CACNA1C: variants seen among roughly 807,000 people sequenced by gnomAD.
CACNA1C encodes calcium voltage-gated channel subunit alpha1 C, also known as voltage-dependent L-type calcium channel subunit alpha-1C.
CACNA1C carries 30 observed loss-of-function variants against 229.0 expected under a neutral mutation model. The ratio of observed to expected loss-of-function variants is 0.13; its 90% CI spans 0.10 to 0.18. The LOEUF (loss-of-function observed/expected upper bound fraction) is 0.18, where lower values mean the gene tolerates loss of function less well. CACNA1C is among the 10% of genes least tolerant of loss of function. CACNA1C has a pLI of 1.00. For synonymous variants in CACNA1C, 1,114 were observed against 1,132.5 expected, an observed-to-expected ratio of 0.98 and a Z score of 0.33; for missense variants, 1,658 against 2,845.0, an observed-to-expected ratio of 0.58 and a Z score of 9.49.
chr12:2,421,915 A>C (rs548232279), intron 3 of CACNA1C, among the ~76,000 whole-genome samples: 65 of 151,052 alleles, frequency 4.3e-4, no homozygotes, highest in African/African-American at 1.1e-3. Context: ...GTCTCAACAA[A>C]AAAAAAAAAG....
chr12:2,223,942 T>A (rs1179245398), intron 3 of CACNA1C, among the ~76,000 whole-genome samples: 1 of 152,202 alleles, frequency 6.6e-6, no homozygotes, highest in Admixed American at 6.5e-5. Flanking sequence ...CCAATCAGAT[T>A]ATGATGCATC....
Position 2,486,334 on chromosome 12 carries a change from C to A in CACNA1C, c.916+72C>A. On this transcript the variant is annotated intron_variant, in intron 6 of 46. Coordinates refer to ENST00000399655, the MANE Select transcript of CACNA1C (RefSeq NM_000719.7). This position sits in a 1 kb window ranked among gnomAD's most constrained non-coding sequence, Gnocchi z 4.9. ...CTCCCAGCACCTTTCCCGCTGCTGG[C>A]TACACCAACATGACCAGCAGAGCCC... is the stretch of plus-strand genomic sequence containing the variant. The A allele has an allele frequency of 7.6e-7, 1 of 1,320,606 alleles. No individual in the cohort carries two copies. Among genetic ancestry groups the A allele is most frequent in the Non-Finnish European group, 1.1e-6 (1 of 946,030 alleles). The allele number at this position is 1,320,606 out of a possible 1,614,324, so 81.8% of individuals were successfully genotyped here.
intron 3 of CACNA1C, among the ~76,000 whole-genome samples, chr12:2,378,016 G>T (rs1182011695): frequency 6.6e-6 from 1 of 152,110 alleles, no homozygotes; most frequent in African/African-American, 2.4e-5. Context: ...CCTAGAAGAG[G>T]GTTGGGGTGA....
rs1392879732 is a variant in CACNA1C, at chr12:2,316,825, A to C, written c.478-132151A>C. Among the ~76,000 whole-genome samples, 11 of 152,330 alleles carry C rather than the reference A, an allele frequency of 7.2e-5. No homozygotes were observed. In the East Asian group the frequency reaches 2.1e-3, roughly 29 times the overall value. On this transcript the variant is annotated intron_variant, in intron 3 of 46. Transcript: ENST00000399655. ...TGATTTGCAGTGGAGACCCATGTGC[A>C]CAGGCACAAAAAGATGGCCAGGGAC...
At chr12:2,491,251 C>T (rs1027358133) in intron 6 of CACNA1C, among the ~76,000 whole-genome samples, 6 of 151,958 alleles carry the variant, frequency 3.9e-5, no homozygotes, top group African/African-American at 4.8e-5. Flanking sequence ...TGCAAGCAGG[C>T]GAGGGGGGTT....
intron 34 of CACNA1C, 38 bp from the exon 35 acceptor site, chr12:2,664,787 G>C: frequency 6.6e-7 from 1 of 1,520,698 alleles, no homozygotes; most frequent in Non-Finnish European, 8.9e-7. Flanking sequence ...GGCATCTGTA[G>C]GATGGGCTGC....
At chr12:2,222,539 T>C (rs1217735358) in intron 3 of CACNA1C, 1 of 152,162 alleles carries the variant, frequency 6.6e-6, no homozygotes, top group Non-Finnish European at 1.5e-5. Context: ...AACCACAATG[T>C]AAATATTAAT....
chr12:2,621,064 A>G (rs2082966099), intron 29 of CACNA1C, among the ~76,000 whole-genome samples: 2 of 152,172 alleles, frequency 1.3e-5, no homozygotes, highest in Admixed American at 1.3e-4. Context: ...CTGAATTAAA[A>G]TGCACCCCTC....
At chr12:2,280,809 G>A (rs2090956977) in intron 3 of CACNA1C, among the ~76,000 whole-genome samples, 1 of 151,880 alleles carries the variant, frequency 6.6e-6, no homozygotes, top group African/African-American at 2.4e-5. Context: ...TTTTCTGTTA[G>A]TCCCATGTAG....
chr12:2,240,649 A>T (rs1364783809), intron 3 of CACNA1C, among the ~76,000 whole-genome samples: 3 of 152,176 alleles, frequency 2.0e-5, no homozygotes, highest in Admixed American at 6.5e-5. Flanking sequence ...AGTGCCTGAT[A>T]TTGGTGACCT....
chr12:2,584,890 G>C (rs756604722), intron 16 of CACNA1C, among the ~76,000 whole-genome samples: 1 of 152,238 alleles, frequency 6.6e-6, no homozygotes, highest in Non-Finnish European at 1.5e-5. Context: ...GGTGGCAGGA[G>C]TGTAGGGTGG....
chr12:2,098,554 A>T (rs1426208027), intron 1 of CACNA1C, among the ~76,000 whole-genome samples: 1 of 152,214 alleles, frequency 6.6e-6, no homozygotes. Context: ...AGAGCCTTTT[A>T]CTAATAGAGG....
In CACNA1C at chr12:2,602,630, TTGTGTGTGTGTG is replaced by T. The variant is rs3062140; in HGVS notation, c.2960+699_2960+710del. Among the ~76,000 whole-genome samples the T allele has an allele frequency of 1.3e-3, 185 of 140,900 alleles. No homozygotes were observed. Among genetic ancestry groups the T allele is most frequent in the Non-Finnish European group, 1.7e-3 (110 of 65,280 alleles). 92.4% of individuals were successfully genotyped at this position (140,900 alleles called of 152,430 possible). A position where few individuals can be genotyped will look rare whatever the true frequency, so the allele number is the denominator to read the frequency against. On this transcript the variant is annotated intron_variant, in intron 22 of 46. Coordinates refer to ENST00000399655, the MANE Select transcript of CACNA1C (RefSeq NM_000719.7). The surrounding 1 kb of genome is among the most constrained non-coding windows in gnomAD (Gnocchi z 4.4). ...GTGTGTGACTGTGTATATTTGTGTCTTGTGTGTGTGTGTGTGTGTGTGTGTGTGTGTGTGTGT... is the reference window on the plus strand; with the variant it reads ...GTGTGTGACTGTGTATATTTGTGTCTTGTGTGTGTGTGTGTGTGTGTGTGT...
At chr12:2,507,724 A>G (rs1294725624) in intron 8 of CACNA1C, among the ~76,000 whole-genome samples, 3 of 152,202 alleles carry the variant, frequency 2.0e-5, no homozygotes, top group African/African-American at 7.2e-5. Context: ...TCCTGTGTCC[A>G]TTCTACAGAG....
At chr12:2,161,269 G>A (rs974466953) in intron 3 of CACNA1C, among the ~76,000 whole-genome samples, 7 of 151,964 alleles carry the variant, frequency 4.6e-5, no homozygotes, top group Admixed American at 3.3e-4. Context: ...GGTGGGATGG[G>A]AAGGGGGTCT....
In CACNA1C at chr12:2,633,493, G is replaced by C. The variant is rs1046182812; in HGVS notation, c.3829-804G>C. On this transcript the variant is annotated intron_variant, in intron 29 of 46. Coordinates refer to ENST00000399655, the MANE Select transcript of CACNA1C (RefSeq NM_000719.7). This position sits in a 1 kb window ranked among gnomAD's most constrained non-coding sequence, Gnocchi z 5.8. Reference sequence around the variant, plus strand: ...CCTTGCTGGTGCTCCTGGGCTCCTGGCCATGGTGAGGGCGTCCGGAACTCC... The same window carrying C: ...CCTTGCTGGTGCTCCTGGGCTCCTGCCCATGGTGAGGGCGTCCGGAACTCC... 4 of 681,248 alleles carry C rather than the reference G, an allele frequency of 5.9e-6. No homozygotes were observed. Among genetic ancestry groups the C allele is most frequent in the African/African-American group, 3.6e-5 (2 of 55,040 alleles). The allele number at this position is 681,248 out of a possible 1,614,324, so 42.2% of individuals were successfully genotyped here. A position where few individuals can be genotyped will look rare whatever the true frequency, so the allele number is the denominator to read the frequency against.
intron 21 of CACNA1C, among the ~76,000 whole-genome samples, chr12:2,598,409 C>T (rs147303642): frequency 5.3e-5 from 8 of 152,334 alleles, no homozygotes; most frequent in East Asian, 1.9e-4. Context: ...TAAACCAATG[C>T]GTGGCAAGCC....
chr12:2,129,488 C>A (rs2091521743), intron 3 of CACNA1C, among the ~76,000 whole-genome samples: 1 of 152,160 alleles, frequency 6.6e-6, no homozygotes, highest in Admixed American at 6.5e-5. Context: ...CATCTTTATT[C>A]ATTTTTTGGG....
chr12:2,087,858 C>T lies in CACNA1C; in HGVS notation c.50-27366C>T, dbSNP rs190506677. Among the ~76,000 whole-genome samples the T allele has an allele frequency of 9.8e-5, 15 of 152,304 alleles. 2 individuals carry two copies. Among genetic ancestry groups the T allele is most frequent in the Admixed American group, 9.1e-4 (14 of 15,302 alleles). On this transcript the variant is annotated intron_variant, in intron 1 of 46. Transcript: ENST00000399655. ...TGACTCTGACCTTGTTTGAGAGATGCTCATACTGAACGTGTTTGTCTCTGG... is the reference window on the plus strand; with the variant it reads ...TGACTCTGACCTTGTTTGAGAGATGTTCATACTGAACGTGTTTGTCTCTGG...
Sources: allele counts gnomAD v4.1 joint callset (sites outside exome capture counted in the v4.1 genomes callset), GRCh38; gene constraint gnomAD v4.1.1; non-coding constraint Gnocchi (gnomAD v3.1); transcripts MANE v1.5; gene names NCBI Gene and HGNC (gene_info 2026-07-23, HGNC 2026-07-21).